DOCK2: variants seen among roughly 807,000 people sequenced by gnomAD.
The protein encoded by DOCK2 is dedicator of cytokinesis protein 2.
A neutral mutation model predicts 248.9 loss-of-function variants in DOCK2; 87 were observed. The observed-to-expected ratio is 0.35, with a 90% CI of 0.29 to 0.42. The LOEUF (loss-of-function observed/expected upper bound fraction) is 0.42, where lower values mean the gene tolerates loss of function less well. Among genes scored for constraint, DOCK2 ranks in the 10% least tolerant of loss-of-function variants. The pLI is 1.00. For synonymous variants in DOCK2, 805 were observed against 821.6 expected (o/e 0.98, Z 0.35); for missense variants, 1,747 against 2,300.2 (o/e 0.76, Z 4.92).
At chr5:169,767,902 G>A (rs1764880516) in intron 25 of DOCK2, among the ~76,000 whole-genome samples, 1 of 152,148 alleles carries the variant, frequency 6.6e-6, no homozygotes, top group Admixed American at 6.5e-5. Context: ...CAACGTATTA[G>A]GGTATTAATA....
chr5:169,766,060 AC>A (rs895666417), intron 25 of DOCK2, among the ~76,000 whole-genome samples: 1 of 152,042 alleles, frequency 6.6e-6, no homozygotes, highest in African/African-American at 2.4e-5. Context: ...AGCAGTTACT[AC>A]CTTTTTTTTC....
chr5:169,949,532 G>A (rs992243114), intron 27 of DOCK2, among the ~76,000 whole-genome samples: 5 of 151,802 alleles, frequency 3.3e-5, no homozygotes, highest in East Asian at 1.9e-4. Flanking sequence ...CATACTGAAT[G>A]GAGACTGAAT....
At chr5:169,898,917 G>T (rs778179711) in intron 27 of DOCK2, among the ~76,000 whole-genome samples, 7 of 152,174 alleles carry the variant, frequency 4.6e-5, no homozygotes, top group Non-Finnish European at 1.0e-4. Flanking sequence ...AGAGACTAAA[G>T]TGAAGAAGCA....
At chr5:169,775,960 G>A (rs1305863619) in intron 25 of DOCK2, among the ~76,000 whole-genome samples, 1 of 151,766 alleles carries the variant, frequency 6.6e-6, no homozygotes, top group African/African-American at 2.4e-5. Context: ...TTCTGAAGAT[G>A]TTGGCCCAGA....
At chr5:169,803,298 G>T in intron 26 of DOCK2, 92 bp downstream of exon 26, 2 of 1,492,634 alleles carry the variant, frequency 1.3e-6, no homozygotes, top group East Asian at 2.3e-5. Context: ...ATAGCAGCTG[G>T]AGTCTAAAGA....
At chr5:169,825,409 G>A (rs1257459411) in intron 26 of DOCK2, among the ~76,000 whole-genome samples, 2 of 151,602 alleles carry the variant, frequency 1.3e-5, no homozygotes, top group African/African-American at 4.9e-5. Flanking sequence ...AGAAAATGTG[G>A]CACATATACA....
At chr5:169,817,487 G>A (rs1768136558) in intron 26 of DOCK2, among the ~76,000 whole-genome samples, 1 of 152,106 alleles carries the variant, frequency 6.6e-6, no homozygotes, top group South Asian at 2.1e-4. Context: ...CCAGCACTTG[G>A]CCTCAGTGGT....
chr5:170,013,361 C>T (rs1402661438), intron 32 of DOCK2, among the ~76,000 whole-genome samples: 1 of 152,076 alleles, frequency 6.6e-6, no homozygotes. Flanking sequence ...AATATGTTAC[C>T]TGACACAGCA....
At chr5:169,807,404 A>G (rs1767446817) in intron 26 of DOCK2, among the ~76,000 whole-genome samples, 2 of 152,176 alleles carry the variant, frequency 1.3e-5, no homozygotes, top group Non-Finnish European at 2.9e-5. Flanking sequence ...TGTAGAGGCC[A>G]TGCTCAGAAA....
rs1054260962 is a variant in DOCK2 at position 170,082,041 on chromosome 5, G to C, written c.5430+57G>C. The C allele has an allele frequency of 3.8e-6, 6 of 1,592,700 alleles. No homozygotes were observed. In the Admixed American group the frequency reaches 1.0e-4, roughly 27 times the overall value. ...GCATTGGGAGGAGAAAGGGAAGAGA[G>C]CAATGCAGAGAGAAGAAAATGGGGG... On this transcript the variant is annotated intron_variant, in intron 51 of 51. Coordinates refer to ENST00000520908, the MANE Select transcript of DOCK2 (RefSeq NM_004946.3).
chr5:170,056,381 T>C (rs548744718), intron 42 of DOCK2: 1 of 255,554 alleles, frequency 3.9e-6, no homozygotes, highest in Admixed American at 5.4e-5. Flanking sequence ...TTGTTGCAGA[T>C]CACAGGAAAT....
Position 169,702,491 on chromosome 5 carries a change from G to A in DOCK2, c.1383+64G>A, listed in dbSNP as rs3816764. 0.19 allele frequency: 296,743 copies of A among 1,595,290 alleles called. 29,510 individuals carry two copies. Among genetic ancestry groups the A allele is most frequent in the Non-Finnish European group, 0.2 (238,726 of 1,169,394 alleles). ...CTTGGGGGCCTCTGCTTGTAAAGAC[G>A]TACTTTTCCTCTCCCTGATTCTGTT... On this transcript the variant is annotated intron_variant, in intron 14 of 51. Transcript: ENST00000520908.
chr5:169,697,858 T>C (rs1387855879), intron 10 of DOCK2, among the ~76,000 whole-genome samples: 3 of 152,158 alleles, frequency 2.0e-5, no homozygotes, highest in Non-Finnish European at 4.4e-5. Context: ...AGTGGCTGAT[T>C]TAAGGAAAGG....
At chr5:169,992,653 T>TG (rs1229614988) in intron 29 of DOCK2, among the ~76,000 whole-genome samples, 2 of 151,974 alleles carry the variant, frequency 1.3e-5, no homozygotes, top group Non-Finnish European at 2.9e-5. Flanking sequence ...TTAGTAGAAA[T>TG]GGGGTTTCAC....
intron 22 of DOCK2, among the ~76,000 whole-genome samples, chr5:169,730,141 G>A: frequency 6.6e-6 from 1 of 152,070 alleles, no homozygotes; most frequent in Non-Finnish European, 1.5e-5. Flanking sequence ...ATTTTTAGTA[G>A]AGATGGGGTT....
intron 46 of DOCK2, among the ~76,000 whole-genome samples, chr5:170,073,444 A>G (rs1303113706): frequency 1.3e-5 from 2 of 152,148 alleles, no homozygotes. Flanking sequence ...GTATTTCTCT[A>G]TAAATTTTAA....
At chr5:169,859,848 A>G (rs1771084362) in intron 27 of DOCK2, among the ~76,000 whole-genome samples, 4 of 151,964 alleles carry the variant, frequency 2.6e-5, no homozygotes, top group Admixed American at 2.6e-4. Flanking sequence ...CACAACAAGA[A>G]TCTTTAATTC....
chr5:169,848,496 C>T (rs1004970522), intron 27 of DOCK2, among the ~76,000 whole-genome samples: 7 of 152,238 alleles, frequency 4.6e-5, no homozygotes, highest in African/African-American at 1.7e-4. Flanking sequence ...CTGGCTGATG[C>T]ATCCTGTTAC....
At chr5:169,746,455 C>T (rs575883694) in intron 22 of DOCK2, among the ~76,000 whole-genome samples, 3 of 152,196 alleles carry the variant, frequency 2.0e-5, no homozygotes, top group Admixed American at 1.3e-4. Context: ...TTGCCAAGGC[C>T]CGGGCACACT....
Sources: gnomAD v4.1 joint callset for allele counts (sites outside exome capture counted in the v4.1 genomes callset) on GRCh38, gnomAD v4.1.1 for gene constraint, MANE v1.5 for transcripts, NCBI Gene and HGNC (gene_info 2026-07-23, HGNC 2026-07-21) for gene names.